Variants in FBXO42 observed in about 807,000 individuals in gnomAD.
The protein encoded by FBXO42 is F-box protein 42.
Under a neutral mutation model 71.7 loss-of-function variants are expected in FBXO42, and 12 were observed. The ratio of observed to expected loss-of-function variants is 0.17; its 90% CI spans 0.11 to 0.27. The LOEUF (loss-of-function observed/expected upper bound fraction) is 0.27. FBXO42 is among the 10% of genes least tolerant of loss of function. The probability of loss-of-function intolerance (pLI) is 1.00; values close to 1 mark genes in which losing one functional copy is unlikely to be tolerated. For missense variants in FBXO42, 707 were observed against 911.9 expected (o/e 0.78, Z 2.89); for synonymous variants, 325 against 327.5 (o/e 0.99, Z 0.08).
At chr1:16,266,469 C>T (rs1001042117) in intron 4 of FBXO42, among the ~76,000 whole-genome samples, 1 of 152,168 alleles carries the variant, frequency 6.6e-6, no homozygotes, top group African/African-American at 2.4e-5. Flanking sequence ...CTCGCTTTCT[C>T]AGAGTGGGTC....
rs181730895 is a variant in FBXO42 at position 16,306,063 on chromosome 1, C to T, written c.251-144G>A. On this transcript the variant is annotated intron_variant, in intron 2 of 9. Transcript: ENST00000375592. Reference sequence around the variant, plus strand: ...TTTGAGATGGAGTCTCACTCTGTCGCCCAGGTTGGAGTGCAGTGGCACGAT... The same window carrying T: ...TTTGAGATGGAGTCTCACTCTGTCGTCCAGGTTGGAGTGCAGTGGCACGAT... The T allele has an allele frequency of 3.8e-3, 2,325 of 616,052 alleles. 10 individuals are homozygous for T. Among genetic ancestry groups the T allele is most frequent in the Middle Eastern group, 5.1e-3 (11 of 2,178 alleles). The allele number at this position is 616,052 out of a possible 1,614,324, so 38.2% of individuals were successfully genotyped here.
chr1:16,306,025 T>C (rs1188404021), intron 2 of FBXO42, 106 bp from the exon 3 acceptor site: 2 of 841,670 alleles, frequency 2.4e-6, no homozygotes, highest in African/African-American at 1.7e-5. Context: ...CAAGTTTCTT[T>C]TTTTTTTCTT....
At chr1:16,290,491 A>G (rs2082066104) in intron 4 of FBXO42, among the ~76,000 whole-genome samples, 1 of 152,138 alleles carries the variant, frequency 6.6e-6, no homozygotes, top group Admixed American at 6.6e-5. Context: ...CAGGAGTTCA[A>G]GACCAGCCTG....
Position 16,318,484 on chromosome 1 carries a change from A to T in FBXO42, c.-17-3049T>A, listed in dbSNP as rs961671046. 2.0e-5 allele frequency among the ~76,000 whole-genome samples: 3 copies of T among 152,202 alleles called. No homozygotes were observed. In the East Asian group the frequency reaches 5.8e-4, roughly 29 times the overall value. On this transcript the variant is annotated intron_variant, in intron 1 of 9. Coordinates refer to ENST00000375592, the MANE Select transcript of FBXO42 (RefSeq NM_018994.3). ...GTTACTTCTAGTGGGAATATTATTA[A>T]TAATTTTAAAAATGTCTTGCTTCTG...
In FBXO42 at chr1:16,315,433, C is replaced by T. The variant is rs1259832181; in HGVS notation, c.-15G>A. 6.2e-7 allele frequency: 1 copy of T among 1,612,632 alleles called. No homozygotes were observed. Among genetic ancestry groups the T allele is most frequent in the African/African-American group, 1.3e-5 (1 of 74,856 alleles). On this transcript the variant is annotated splice_region_variant and 5_prime_UTR_variant, in exon 2 of 10. Coordinates refer to ENST00000375592, the MANE Select transcript of FBXO42 (RefSeq NM_018994.3). ...GAGCTGGCCATGACATTCCACTCAACAGCTGTAATAGGTAAAACATAAATA... is the reference window on the plus strand; with the variant it reads ...GAGCTGGCCATGACATTCCACTCAATAGCTGTAATAGGTAAAACATAAATA...
Position 16,335,364 on chromosome 1 carries a change from C to G in FBXO42, c.-18+16891G>C, listed in dbSNP as rs1036314387. 4.6e-5 allele frequency among the ~76,000 whole-genome samples: 7 copies of G among 152,214 alleles called. No homozygotes were observed. The East Asian group carries it at 1.4e-3, about 29-fold the overall frequency. ...CATCGCCCAGGCTGGTCTCAAACTC[C>G]TGGGTTCAAGTGATCCTCCTGTATT... On this transcript the variant is annotated intron_variant, in intron 1 of 9. Coordinates refer to ENST00000375592, the MANE Select transcript of FBXO42 (RefSeq NM_018994.3).
chr1:16,261,043 C>T (rs959199562), intron 4 of FBXO42, among the ~76,000 whole-genome samples: 3 of 152,194 alleles, frequency 2.0e-5, no homozygotes, highest in Non-Finnish European at 4.4e-5. Context: ...TCATGCTGCA[C>T]TTCATGCATA....
chr1:16,303,384 C>A (rs981318345), intron 3 of FBXO42, among the ~76,000 whole-genome samples: 1 of 152,164 alleles, frequency 6.6e-6, no homozygotes, highest in African/African-American at 2.4e-5. Flanking sequence ...GCTGCACATC[C>A]CTGCCCCTTG....
intron 4 of FBXO42, among the ~76,000 whole-genome samples, chr1:16,288,267 CA>C (rs2082042362): frequency 6.6e-6 from 1 of 151,084 alleles, no homozygotes; most frequent in Non-Finnish European, 1.5e-5. Context: ...CCATCTCTAC[CA>C]AAAATACAAA....
chr1:16,309,322 C>T (rs2082288795), intron 2 of FBXO42, among the ~76,000 whole-genome samples: 2 of 151,682 alleles, frequency 1.3e-5, no homozygotes, highest in African/African-American at 4.8e-5. Context: ...CATGATCCAC[C>T]CACCTTGGCC....
chr1:16,311,175 C>T (rs893711404), intron 2 of FBXO42, among the ~76,000 whole-genome samples: 12 of 144,082 alleles, frequency 8.3e-5, no homozygotes, highest in Non-Finnish European at 1.7e-4. Context: ...GAGACTCCGT[C>T]TCAAAAAAAA....
intron 2 of FBXO42, among the ~76,000 whole-genome samples, chr1:16,311,502 AAATATAT>A (rs1302327246): frequency 3.1e-4 from 21 of 68,650 alleles, no homozygotes; most frequent in African/African-American, 1.1e-3. Flanking sequence ...AAAAAAAAAA[AAATATAT>A]ATATATATAT....
chr1:16,333,432 T>A (rs116408279), intron 1 of FBXO42, among the ~76,000 whole-genome samples: 1 of 103,726 alleles, frequency 9.6e-6, no homozygotes. Context: ...GGGCAAATAG[T>A]GAGACCCCCC....
chr1:16,297,335 A>C (rs143563049), intron 3 of FBXO42, among the ~76,000 whole-genome samples: 48 of 152,226 alleles, frequency 3.2e-4, no homozygotes, highest in African/African-American at 1.2e-3. Flanking sequence ...AAACTGAGCA[A>C]GTTAAGAGGT....
At chr1:16,288,853 G>A (rs888387885) in intron 4 of FBXO42, among the ~76,000 whole-genome samples, 3 of 151,836 alleles carry the variant, frequency 2.0e-5, no homozygotes, top group Non-Finnish European at 2.9e-5. Context: ...AGCTGCCTGG[G>A]AGGCTGAAAC....
chr1:16,341,393 A>C (rs2082602938), intron 1 of FBXO42, among the ~76,000 whole-genome samples: 1 of 151,962 alleles, frequency 6.6e-6, no homozygotes, highest in Non-Finnish European at 1.5e-5. Context: ...TGAGGTCAGG[A>C]GTTCGAGACC....
At chr1:16,323,745 G>A (rs986648290) in intron 1 of FBXO42, among the ~76,000 whole-genome samples, 2 of 136,550 alleles carry the variant, frequency 1.5e-5, no homozygotes, top group East Asian at 2.3e-4. Context: ...AGCCGAGATC[G>A]TACCACTGCA....
intron 1 of FBXO42, among the ~76,000 whole-genome samples, chr1:16,331,526 G>T (rs929479264): frequency 2.0e-5 from 3 of 151,758 alleles, no homozygotes; most frequent in Non-Finnish European, 4.4e-5. Flanking sequence ...AGGCCAAGGT[G>T]GGTGGATCAC....
chr1:16,290,933 T>G (rs1263952152), intron 4 of FBXO42, among the ~76,000 whole-genome samples: 1 of 152,158 alleles, frequency 6.6e-6, no homozygotes, highest in Non-Finnish European at 1.5e-5. Flanking sequence ...AATAGGAGAA[T>G]GCTCTAATCT....
Sources: gnomAD v4.1 joint callset for allele counts (sites outside exome capture counted in the v4.1 genomes callset) on GRCh38, gnomAD v4.1.1 for gene constraint, MANE v1.5 for transcripts, NCBI Gene and HGNC (gene_info 2026-07-23, HGNC 2026-07-21) for gene names.